MLLT10: variants seen among roughly 807,000 people sequenced by gnomAD.
The protein encoded by MLLT10 is protein AF-10.
A neutral mutation model predicts 129.1 loss-of-function variants in MLLT10; 30 were observed. That is an observed-to-expected ratio of 0.23 (90% CI 0.17 to 0.32). The LOEUF (loss-of-function observed/expected upper bound fraction) is 0.32. MLLT10 is among the 10% of genes least tolerant of loss of function. The probability of loss-of-function intolerance (pLI) is 1.00; values close to 1 mark genes in which losing one functional copy is unlikely to be tolerated. For missense variants in MLLT10, 1,119 were observed against 1,268.3 expected (o/e 0.88, Z 1.79); for synonymous variants, 490 against 446.4 (o/e 1.10, Z -1.23).
intron 9 of MLLT10, among the ~76,000 whole-genome samples, chr10:21,655,254 C>T (rs2049449027): frequency 1.3e-5 from 2 of 152,044 alleles, no homozygotes; most frequent in Admixed American, 1.3e-4. Context: ...AGTAAAATAA[C>T]AGTAGTGTTG....
At chr10:21,701,444 A>G (rs906314876) in intron 13 of MLLT10, among the ~76,000 whole-genome samples, 1 of 151,826 alleles carries the variant, frequency 6.6e-6, no homozygotes, top group Non-Finnish European at 1.5e-5. Context: ...TTTGATGTAG[A>G]TGTTTACTGC....
chr10:21,571,308 T>G (rs1372876650), intron 3 of MLLT10, among the ~76,000 whole-genome samples: 3 of 152,198 alleles, frequency 2.0e-5, no homozygotes, highest in Non-Finnish European at 4.4e-5. Context: ...CCTTTGTAGA[T>G]CTCTTCATTT....
At chr10:21,659,169 A>C (rs1311727475) in intron 9 of MLLT10, among the ~76,000 whole-genome samples, 2 of 151,270 alleles carry the variant, frequency 1.3e-5, no homozygotes, top group African/African-American at 4.8e-5. Flanking sequence ...CATTCTTTTA[A>C]TCTTTTGAAG....
chr10:21,574,865 T>C (rs1191502393), intron 3 of MLLT10, among the ~76,000 whole-genome samples: 2 of 151,502 alleles, frequency 1.3e-5, no homozygotes, highest in African/African-American at 4.9e-5. Flanking sequence ...TTGGCCCCCT[T>C]CTTTATTACA....
At chr10:21,621,313 G>A (rs140145022) in intron 8 of MLLT10, among the ~76,000 whole-genome samples, 4,452 of 139,256 alleles carry the variant, frequency 0.032, 220 homozygotes, top group African/African-American at 0.11. Flanking sequence ...GGCGCGATCT[G>A]GGCTTACTGC....
intron 13 of MLLT10, among the ~76,000 whole-genome samples, chr10:21,695,890 T>C (rs1036202014): frequency 1.3e-5 from 2 of 151,360 alleles, no homozygotes; most frequent in African/African-American, 2.5e-5. Context: ...ATAGACCAAA[T>C]TGGACAAGTA....
At chr10:21,645,028 CT>C (rs2048349121) in intron 8 of MLLT10, among the ~76,000 whole-genome samples, 1 of 152,162 alleles carries the variant, frequency 6.6e-6, no homozygotes, top group Admixed American at 6.5e-5. Context: ...TTTCCTGTTT[CT>C]TCCCTGAAGC....
At chr10:21,567,285 C>A (rs1375628990) in intron 3 of MLLT10, among the ~76,000 whole-genome samples, 1 of 152,090 alleles carries the variant, frequency 6.6e-6, no homozygotes, top group Non-Finnish European at 1.5e-5. Context: ...GGATGAAGTT[C>A]AGGTTATCTA....
chr10:21,541,953 A>G (rs1280612967), intron 3 of MLLT10, among the ~76,000 whole-genome samples: 2 of 152,132 alleles, frequency 1.3e-5, no homozygotes, highest in Non-Finnish European at 2.9e-5. Context: ...ACTTGGTGAA[A>G]TCTTTATAGC....
intron 5 of MLLT10, among the ~76,000 whole-genome samples, chr10:21,598,951 G>A (rs1318868864): frequency 1.3e-5 from 2 of 151,876 alleles, no homozygotes; most frequent in Non-Finnish European, 2.9e-5. Context: ...AGACCCAGGC[G>A]GGTAGATCAC....
At chr10:21,628,097 C>T (rs1222623117) in intron 8 of MLLT10, among the ~76,000 whole-genome samples, 5 of 152,178 alleles carry the variant, frequency 3.3e-5, no homozygotes, top group South Asian at 2.1e-4. Flanking sequence ...CTTCATTGCT[C>T]ATCAAGCTTT....
chr10:21,664,939 C>CTTTTTTT (rs2050601050), intron 9 of MLLT10, among the ~76,000 whole-genome samples: 1 of 133,386 alleles, frequency 7.5e-6, no homozygotes, highest in Non-Finnish European at 1.6e-5. Context: ...CTTCTTTTTT[C>CTTTTTTT]TTTTCTTTTT....
intron 3 of MLLT10, among the ~76,000 whole-genome samples, chr10:21,552,482 C>T (rs1364340651): frequency 6.7e-6 from 1 of 150,322 alleles, no homozygotes; most frequent in Non-Finnish European, 1.5e-5. Context: ...ACCTTCACCT[C>T]CTGGGTTCAA....
chr10:21,557,942 T>C (rs1018563982), intron 3 of MLLT10: 6 of 149,362 alleles, frequency 4.0e-5, no homozygotes, highest in Non-Finnish European at 7.4e-5. Context: ...TTTTCTTTTT[T>C]TTTTTCTTTT....
chr10:21,615,453 GTCTCAAAAAAAAAAAA>G, intron 7 of MLLT10, among the ~76,000 whole-genome samples: 1 of 97,802 alleles, frequency 1.0e-5, no homozygotes, highest in South Asian at 3.4e-4. Context: ...GTGAGACTCC[GTCTCAAAAAAAAAAAA>G]AAAAAGAAAA....
rs189813437 is a variant in MLLT10 at position 21,638,858 on chromosome 10, C to T, written c.700-12815C>T. On this transcript the variant is annotated intron_variant, in intron 8 of 22. Coordinates refer to ENST00000307729, the MANE Select transcript of MLLT10 (RefSeq NM_001195626.3). Reference sequence around the variant, plus strand: ...TGCCAGATTGGTGAGGAAGTCCTCTCCACCTAACCAGAGTAGGCTAGCTGC... The same window carrying T: ...TGCCAGATTGGTGAGGAAGTCCTCTTCACCTAACCAGAGTAGGCTAGCTGC... 3.9e-5 allele frequency among the ~76,000 whole-genome samples: 6 copies of T among 152,256 alleles called. No individual in the cohort carries two copies. The East Asian group carries it at 9.7e-4, about 25-fold the overall frequency.
chr10:21,673,301 T>A, intron 10 of MLLT10, 49 bp from the exon 11 acceptor site: 1 of 237,942 alleles, frequency 4.2e-6, no homozygotes, highest in Non-Finnish European at 6.5e-6. Flanking sequence ...AATTTTTCTG[T>A]CCCCCCCACC....
intron 8 of MLLT10, among the ~76,000 whole-genome samples, chr10:21,645,512 C>T (rs2048389599): frequency 1.3e-5 from 2 of 152,114 alleles, no homozygotes; most frequent in African/African-American, 4.8e-5. Flanking sequence ...AAATAACTCA[C>T]ATGTTCTTTT....
intron 5 of MLLT10, among the ~76,000 whole-genome samples, chr10:21,607,660 A>G (rs577421901): frequency 1.3e-5 from 2 of 152,220 alleles, no homozygotes; most frequent in Admixed American, 6.5e-5. Flanking sequence ...ATCCTGTTTC[A>G]TTGTATTATT....
Sources: allele counts gnomAD v4.1 joint callset (sites outside exome capture counted in the v4.1 genomes callset), GRCh38; gene constraint gnomAD v4.1.1; transcripts MANE v1.5; gene names NCBI Gene and HGNC (gene_info 2026-07-23, HGNC 2026-07-21).